The following AKT2 variants were observed in gnomAD, a reference collection of about 807,000 sequenced individuals.
The protein encoded by AKT2 is AKT serine/threonine kinase 2.
A neutral mutation model predicts 58.6 loss-of-function variants in AKT2; 16 were observed. That is an observed-to-expected ratio of 0.27 (90% CI 0.18 to 0.41). AKT2 has a LOEUF of 0.41. AKT2 is among the 10% of genes least tolerant of loss of function. The probability of loss-of-function intolerance (pLI) is 1.00; values close to 1 mark genes in which losing one functional copy is unlikely to be tolerated. For synonymous variants in AKT2, 253 were observed against 254.0 expected, an observed-to-expected ratio of 1.00 and a Z score of 0.04; for missense variants, 438 against 661.0, an observed-to-expected ratio of 0.66 and a Z score of 3.70.
At chr19:40,262,635 A>C (rs764143148) in intron 2 of AKT2, among the ~76,000 whole-genome samples, 12 of 152,246 alleles carry the variant, frequency 7.9e-5, no homozygotes, top group Admixed American at 2.0e-4. Context: ...GCACTAGTTC[A>C]GGAGTCAGAG....
intron 1 of AKT2, among the ~76,000 whole-genome samples, chr19:40,268,139 G>A (rs1047652127): frequency 6.6e-6 from 1 of 152,148 alleles, no homozygotes; most frequent in African/African-American, 2.4e-5. Flanking sequence ...CCTGATGCAA[G>A]CTCAGTTCAA....
At chr19:40,241,399 A>T (rs534042795) in intron 6 of AKT2, 44 of 207,832 alleles carry the variant, frequency 2.1e-4, no homozygotes, top group Admixed American at 9.5e-4. Context: ...GACAGGCCTT[A>T]AAGTATTCCA....
chr19:40,254,061 G>A (rs1435436868), intron 4 of AKT2, among the ~76,000 whole-genome samples: 1 of 151,874 alleles, frequency 6.6e-6, no homozygotes, highest in Non-Finnish European at 1.5e-5. Flanking sequence ...GTGATTAACT[G>A]GGGGGCAGGG....
At position 40,231,666 on chromosome 19, in the gene AKT2, G is replaced by A. The variant is rs906575176; in HGVS notation, c.*2206C>T. 6.0e-5 allele frequency: 14 copies of A among 233,352 alleles called. No individual in the cohort carries two copies. Among genetic ancestry groups the A allele is most frequent in the African/African-American group, 2.6e-4 (12 of 45,358 alleles). The allele number at this position is 233,352 out of a possible 1,614,324, so 14.5% of individuals were successfully genotyped here. On this transcript the variant is annotated 3_prime_UTR_variant, in exon 14 of 14. Transcript: ENST00000392038. Reference sequence around the variant, plus strand: ...TGGTCCCTGGTCCCTTGCTGGGGGAGGTGTTCCATCCGGCCAGCGCCCGGC... The same window carrying A: ...TGGTCCCTGGTCCCTTGCTGGGGGAAGTGTTCCATCCGGCCAGCGCCCGGC...
rs1292408207 is a variant in AKT2 at position 40,233,701 on chromosome 19, G to T, written c.*171C>A. 1.3e-6 allele frequency: 1 copy of T among 779,514 alleles called. No homozygotes were observed. The highest frequency in any genetic ancestry group is 2.3e-6 in the Non-Finnish European group (1 of 435,570). 48.3% of individuals were successfully genotyped at this position (779,514 alleles called of 1,614,324 possible). A position where few individuals can be genotyped will look rare whatever the true frequency, so the allele number is the denominator to read the frequency against. ...GGTGAGGCTGGAGGCTGGAGGCAGGGGCTGCAGGGGCCGCTGGGGTGCGTC... is the reference window on the plus strand; with the variant it reads ...GGTGAGGCTGGAGGCTGGAGGCAGGTGCTGCAGGGGCCGCTGGGGTGCGTC... On this transcript the variant is annotated 3_prime_UTR_variant, in exon 14 of 14. Transcript: ENST00000392038. The surrounding 1 kb of genome is among the most constrained non-coding windows in gnomAD (Gnocchi z 4.3).
chr19:40,234,939 T>C lies in AKT2; in HGVS notation c.1366+106A>G, dbSNP rs187555784. ...CAGACTTGGGGAAATCTCCCAGACATGAAGCGGGGGCCTTCGAGGGCCCTC... is the reference window on the plus strand; with the variant it reads ...CAGACTTGGGGAAATCTCCCAGACACGAAGCGGGGGCCTTCGAGGGCCCTC... On this transcript the variant is annotated intron_variant, in intron 13 of 13. Transcript: ENST00000392038. The surrounding 1 kb of genome is among the most constrained non-coding windows in gnomAD (Gnocchi z 4.7). 578 of 1,034,778 alleles carry C rather than the reference T, an allele frequency of 5.6e-4. No homozygotes were observed. The highest frequency in any genetic ancestry group is 7.7e-4 in the Non-Finnish European group (515 of 671,364). 64.1% of individuals were successfully genotyped at this position (1,034,778 alleles called of 1,614,324 possible).
chr19:40,270,188 CCTT>C (rs1242193367), intron 1 of AKT2, among the ~76,000 whole-genome samples: 1 of 152,224 alleles, frequency 6.6e-6, no homozygotes, highest in Non-Finnish European at 1.5e-5. Context: ...CTCCCCTTAC[CCTT>C]ACCCTTCATT....
chr19:40,276,343 A>ACCTTT (rs1568573407), intron 1 of AKT2, among the ~76,000 whole-genome samples: 1 of 98,856 alleles, frequency 1.0e-5, no homozygotes, highest in Non-Finnish European at 2.0e-5. Flanking sequence ...GTAAAATGGA[A>ACCTTT]TCTTTTTTTT....
rs1333378604 is a variant in AKT2 at position 40,238,458 on chromosome 19, G to A, written c.709-367C>T. Among the ~76,000 whole-genome samples the A allele has an allele frequency of 6.6e-6, 1 of 152,214 alleles. No homozygotes were observed. Among genetic ancestry groups the A allele is most frequent in the African/African-American group, 2.4e-5 (1 of 41,456 alleles). Reference sequence around the variant, plus strand: ...TCCCAAAGCAGGTGTGCCAACCACTGCACAGAGAAGGCGCGAGGCAAGGAG... The same window carrying A: ...TCCCAAAGCAGGTGTGCCAACCACTACACAGAGAAGGCGCGAGGCAAGGAG... On this transcript the variant is annotated intron_variant, in intron 8 of 13. Coordinates refer to ENST00000392038, the MANE Select transcript of AKT2 (RefSeq NM_001626.6). This position sits in a 1 kb window ranked among gnomAD's most constrained non-coding sequence, Gnocchi z 5.1.
Position 40,230,454 on chromosome 19 carries a change from TC to T in AKT2, c.*3417del, listed in dbSNP as rs1156448928. The T allele has an allele frequency of 4.4e-6, 1 of 225,952 alleles. No individual in the cohort carries two copies. The highest frequency in any genetic ancestry group is 8.8e-6 in the Non-Finnish European group (1 of 113,720). 14.0% of individuals were successfully genotyped at this position (225,952 alleles called of 1,614,324 possible). On this transcript the variant is annotated 3_prime_UTR_variant, in exon 14 of 14. Transcript: ENST00000392038. Reference sequence around the variant, plus strand: ...CAGGAAGCAGCTGGAAAGCCTGAGTTCCCCCCATGCAGCAGCTAAAAGGGAA... The same window carrying T: ...CAGGAAGCAGCTGGAAAGCCTGAGTTCCCCCATGCAGCAGCTAAAAGGGAA...
At chr19:40,273,110 G>A (rs573712965) in intron 1 of AKT2, among the ~76,000 whole-genome samples, 72 of 152,220 alleles carry the variant, frequency 4.7e-4, no homozygotes, top group African/African-American at 1.4e-3. Context: ...TTGGGAGGCC[G>A]AGGCGGGCAA....
At position 40,231,609 on chromosome 19, in the gene AKT2, ACAGCAGGGCT is replaced by A. The variant is rs1181105015; in HGVS notation, c.*2253_*2262del. The A allele has an allele frequency of 8.6e-6, 2 of 233,204 alleles. No individual in the cohort carries two copies. Among genetic ancestry groups the A allele is most frequent in the Non-Finnish European group, 1.7e-5 (2 of 118,064 alleles). The allele number at this position is 233,204 out of a possible 1,614,324, so 14.4% of individuals were successfully genotyped here. On this transcript the variant is annotated 3_prime_UTR_variant, in exon 14 of 14. Transcript: ENST00000392038. ...AATTCATCTGTGCCAGGCCCTCTGC[ACAGCAGGGCT>A]CAGCAGGGCAGGCCAGGGCTCTGGT...
At position 40,235,178 on chromosome 19, in the gene AKT2, C is replaced by A; in HGVS notation, c.1264-31G>T. The A allele has an allele frequency of 6.2e-7, 1 of 1,612,650 alleles. No homozygotes were observed. On this transcript the variant is annotated intron_variant, in intron 12 of 13. Transcript: ENST00000392038. The surrounding 1 kb of genome is among the most constrained non-coding windows in gnomAD (Gnocchi z 6.3). ...GAGGAGAGGAGCTCAGGCTCAGGGA[C>A]CCTGAGGCCAGGAGGCCTCAACCAA...
At chr19:40,279,745 T>A (rs951707248) in intron 1 of AKT2, 1 of 151,764 alleles carries the variant, frequency 6.6e-6, no homozygotes, top group African/African-American at 2.4e-5. Flanking sequence ...CACCAGGGGC[T>A]ACTGAGCTGT....
Position 40,261,778 on chromosome 19 carries a change from T to C in AKT2, c.46+3444A>G, listed in dbSNP as rs184044398. On this transcript the variant is annotated intron_variant, in intron 2 of 13. Coordinates refer to ENST00000392038, the MANE Select transcript of AKT2 (RefSeq NM_001626.6). Reference sequence around the variant, plus strand: ...ACTGCTTAATGGGTACAAAGTTTTATTTTGGGGTAATGAAAAGGTTTTGAA... The same window carrying C: ...ACTGCTTAATGGGTACAAAGTTTTACTTTGGGGTAATGAAAAGGTTTTGAA... 1.0e-3 allele frequency among the ~76,000 whole-genome samples: 158 copies of C among 152,298 alleles called. 1 individual carries two copies. The highest frequency in any genetic ancestry group is 0.01 in the Middle Eastern group (3 of 294).
intron 4 of AKT2, among the ~76,000 whole-genome samples, chr19:40,252,846 C>T (rs1209302887): frequency 2.0e-5 from 3 of 152,244 alleles, no homozygotes; most frequent in Admixed American, 6.5e-5. Flanking sequence ...AGGACCTATA[C>T]ACCCACTGGT....
chr19:40,235,468 C>G lies in AKT2; in HGVS notation c.1176-118G>C, dbSNP rs764190109. On this transcript the variant is annotated intron_variant, in intron 11 of 13. Coordinates refer to ENST00000392038, the MANE Select transcript of AKT2 (RefSeq NM_001626.6). The surrounding 1 kb of genome is among the most constrained non-coding windows in gnomAD (Gnocchi z 6.3). ...ATGATTCTGTCTTGACCACAAACCACTTCACAGAGGAGGAAACCGAGGCTC... is the reference window on the plus strand; with the variant it reads ...ATGATTCTGTCTTGACCACAAACCAGTTCACAGAGGAGGAAACCGAGGCTC... 4.2e-6 allele frequency: 4 copies of G among 941,540 alleles called. No homozygotes were observed. The highest frequency in any genetic ancestry group is 6.7e-6 in the Non-Finnish European group (4 of 598,894). 58.3% of individuals were successfully genotyped at this position (941,540 alleles called of 1,614,324 possible).
chr19:40,267,311 T>G (rs1371639920), intron 1 of AKT2, among the ~76,000 whole-genome samples: 1 of 152,188 alleles, frequency 6.6e-6, no homozygotes, highest in Non-Finnish European at 1.5e-5. Context: ...AGCTGAGACG[T>G]GCACCTAGAA....
chr19:40,280,014 T>C (rs560575898), intron 1 of AKT2, among the ~76,000 whole-genome samples: 7 of 152,246 alleles, frequency 4.6e-5, no homozygotes, highest in South Asian at 2.1e-4. Context: ...TGGAGAAACA[T>C]GCCCACACTC....
Sources: allele counts gnomAD v4.1 joint callset (sites outside exome capture counted in the v4.1 genomes callset), GRCh38; gene constraint gnomAD v4.1.1; non-coding constraint Gnocchi (gnomAD v3.1); transcripts MANE v1.5; gene names NCBI Gene and HGNC (gene_info 2026-07-23, HGNC 2026-07-21).